MYO3A: variants seen among roughly 807,000 people sequenced by gnomAD.
MYO3A encodes myosin IIIA.
A neutral mutation model predicts 192.7 loss-of-function variants in MYO3A; 180 were observed. The ratio of observed to expected loss-of-function variants is 0.93; its 90% CI spans 0.83 to 1.06. MYO3A has a LOEUF of 1.06. Among genes scored for constraint, MYO3A ranks in the 50% least tolerant of loss-of-function variants. The probability of loss-of-function intolerance (pLI) is 0.00; values close to 1 mark genes in which losing one functional copy is unlikely to be tolerated. For missense variants in MYO3A, 1,896 were observed against 1,905.0 expected, an observed-to-expected ratio of 1.00 and a Z score of 0.09; for synonymous variants, 628 against 645.3, an observed-to-expected ratio of 0.97 and a Z score of 0.41.
intron 29 of MYO3A, among the ~76,000 whole-genome samples, chr10:26,171,359 G>T (rs552755320): frequency 6.6e-6 from 1 of 151,774 alleles, no homozygotes; most frequent in African/African-American, 2.4e-5. Context: ...AGAAGAAGAG[G>T]TGGCTTCCTA....
intron 10 of MYO3A, among the ~76,000 whole-genome samples, chr10:26,027,797 T>C (rs534457249): frequency 6.6e-6 from 1 of 152,330 alleles, no homozygotes; most frequent in East Asian, 1.9e-4. Context: ...TGCCTGACAA[T>C]TTAATGATTA....
intron 4 of MYO3A, among the ~76,000 whole-genome samples, chr10:25,973,564 C>T (rs1838792643): frequency 6.6e-6 from 1 of 152,144 alleles, no homozygotes; most frequent in Non-Finnish European, 1.5e-5. Flanking sequence ...TGCTGGTTTT[C>T]ATAGGGAATG....
intron 2 of MYO3A, among the ~76,000 whole-genome samples, chr10:25,937,668 T>C (rs1316407): frequency 0.081 from 12,388 of 152,206 alleles, 652 homozygotes; most frequent in African/African-American, 0.14. Context: ...GAAATTATAG[T>C]CTTTCTTTTG....
At chr10:26,003,608 ATCAG>A (rs1410808998) in intron 6 of MYO3A, among the ~76,000 whole-genome samples, 2 of 152,212 alleles carry the variant, frequency 1.3e-5, no homozygotes, top group South Asian at 2.1e-4. Context: ...CTGGTATATG[ATCAG>A]TCAATCAATA....
intron 20 of MYO3A, among the ~76,000 whole-genome samples, chr10:26,130,766 T>C (rs1437767010): frequency 1.3e-5 from 2 of 152,242 alleles, no homozygotes; most frequent in Non-Finnish European, 2.9e-5. Context: ...AGTCAATGAC[T>C]CTCTTGATTT....
intron 6 of MYO3A, among the ~76,000 whole-genome samples, chr10:26,014,323 A>G (rs1349293052): frequency 2.0e-5 from 3 of 152,114 alleles, no homozygotes; most frequent in Non-Finnish European, 2.9e-5. Context: ...TGTCTAACCA[A>G]TGTGGAAGTC....
intron 31 of MYO3A, among the ~76,000 whole-genome samples, chr10:26,187,421 C>G (rs1842917726): frequency 6.6e-6 from 1 of 152,032 alleles, no homozygotes; most frequent in Non-Finnish European, 1.5e-5. Context: ...AGGTTGTTTT[C>G]CTCTGAGGCC....
At chr10:26,054,188 G>A (rs1228732789) in intron 10 of MYO3A, among the ~76,000 whole-genome samples, 1 of 152,164 alleles carries the variant, frequency 6.6e-6, no homozygotes, top group Non-Finnish European at 1.5e-5. Flanking sequence ...ACATTTTTGA[G>A]TTATGTTTTA....
intron 21 of MYO3A, 49 bp downstream of exon 21, chr10:26,143,650 G>T: frequency 6.3e-7 from 1 of 1,597,836 alleles, no homozygotes. Context: ...ATAGAGTCTT[G>T]TCATTCTGAA....
At chr10:26,016,751 A>T in intron 6 of MYO3A, 69 bp from the exon 7 acceptor site, 1 of 1,412,970 alleles carries the variant, frequency 7.1e-7, no homozygotes, top group East Asian at 2.3e-5. Flanking sequence ...TGCAAAAAAG[A>T]TTATAGCAAT....
At position 26,088,300 on chromosome 10, in the gene MYO3A, G is replaced by T. The variant is rs985358810; in HGVS notation, c.1457G>T (p.Arg486Ile). 1.2e-5 allele frequency: 19 copies of T among 1,613,692 alleles called. No individual in the cohort carries two copies. The highest frequency in any genetic ancestry group is 1.6e-5 in the Non-Finnish European group (19 of 1,179,824). The change falls in exon 15 of 35, where the codon AGA (arginine) becomes ATA (isoleucine). Residue 486 changes from arginine (R) to isoleucine (I), a missense_variant. By Grantham distance (97) the Arg-to-Ile change is moderately conservative. Transcript: ENST00000642920. ...ACTATTATAAATGACAATTCTAGCA[G>T]ATTTGGAAAATACTTAGAAATGAAA... ...ACTIINDNSS[R>I]FGKYLEMKFT...
chr10:26,172,303 G>C (rs12266309), intron 29 of MYO3A, among the ~76,000 whole-genome samples: 2 of 152,154 alleles, frequency 1.3e-5, no homozygotes, highest in African/African-American at 4.8e-5. Flanking sequence ...ATACCACAGC[G>C]GGGAGCTGGA....
At position 26,152,428 on chromosome 10, in the gene MYO3A, T is replaced by C. The variant is rs184828377; in HGVS notation, c.2636-1422T>C. On this transcript the variant is annotated intron_variant, in intron 23 of 34. Coordinates refer to ENST00000642920, the MANE Select transcript of MYO3A (RefSeq NM_017433.5). ...CCAATGGAAAATGTTAGAGTTAGAG[T>C]TCTTCAATTCTATATTATGATGTCT... 8.1e-4 allele frequency among the ~76,000 whole-genome samples: 124 copies of C among 152,226 alleles called. 2 individuals carry two copies. In the Middle Eastern group the frequency reaches 0.01, roughly 13 times the overall value.
At chr10:25,980,704 C>A (rs546440323) in intron 4 of MYO3A, among the ~76,000 whole-genome samples, 58 of 152,124 alleles carry the variant, frequency 3.8e-4, no homozygotes, top group Admixed American at 1.8e-3. Context: ...GTGTTAGCAA[C>A]TGTGTTTTTA....
chr10:26,118,073 T>G (rs1274341090), intron 17 of MYO3A, among the ~76,000 whole-genome samples: 1 of 152,222 alleles, frequency 6.6e-6, no homozygotes. Context: ...TGGTTTTGAT[T>G]TGCATTTCTC....
chr10:25,990,470 TC>T (rs60250759), intron 4 of MYO3A, among the ~76,000 whole-genome samples: 14,358 of 151,854 alleles, frequency 0.095, 1,197 homozygotes, highest in African/African-American at 0.22. Context: ...GAATCATAAT[TC>T]TTTTTTTTAA....
chr10:26,053,829 A>C (rs1844153731), intron 10 of MYO3A, among the ~76,000 whole-genome samples: 1 of 152,164 alleles, frequency 6.6e-6, no homozygotes, highest in South Asian at 2.1e-4. Flanking sequence ...CGTTTCAAAA[A>C]AAGAAAAAGA....
intron 17 of MYO3A, among the ~76,000 whole-genome samples, chr10:26,105,281 G>T (rs1336878215): frequency 1.3e-5 from 2 of 152,098 alleles, no homozygotes; most frequent in Admixed American, 6.6e-5. Flanking sequence ...AATAGAACTT[G>T]CAAGATTGCC....
intron 20 of MYO3A, among the ~76,000 whole-genome samples, chr10:26,137,654 A>G (rs1394690243): frequency 6.6e-6 from 1 of 152,258 alleles, no homozygotes; most frequent in Non-Finnish European, 1.5e-5. Context: ...CTTCTTGCAG[A>G]GAGCCTATAA....
Sources: allele counts gnomAD v4.1 joint callset (sites outside exome capture counted in the v4.1 genomes callset), GRCh38; gene constraint gnomAD v4.1.1; transcripts MANE v1.5; gene names NCBI Gene and HGNC (gene_info 2026-07-23, HGNC 2026-07-21).